Variants in DOCK4 observed in about 807,000 individuals in gnomAD.
DOCK4 encodes the protein dedicator of cytokinesis protein 4.
In DOCK4, 97 loss-of-function variants were observed where a neutral mutation model predicts 268.1. The ratio of observed to expected loss-of-function variants is 0.36; its 90% confidence interval spans 0.31 to 0.43. DOCK4 has a LOEUF of 0.43. Among genes scored for constraint, DOCK4 ranks in the 20% least tolerant of loss-of-function variants. The probability of loss-of-function intolerance (pLI) is 1.00; values close to 1 mark genes in which losing one functional copy is unlikely to be tolerated. For synonymous variants in DOCK4, 954 were observed against 887.2 expected (o/e 1.08, Z -1.34); for missense variants, 2,145 against 2,455.7 (o/e 0.87, Z 2.67).
intron 1 of DOCK4, among the ~76,000 whole-genome samples, chr7:112,114,535 T>C (rs902654493): frequency 6.6e-6 from 1 of 152,224 alleles, no homozygotes; most frequent in Non-Finnish European, 1.5e-5. Context: ...TGATATTCCA[T>C]GAAAAAACTG....
chr7:111,770,689 C>A (rs111339651), intron 36 of DOCK4, among the ~76,000 whole-genome samples: 3 of 152,284 alleles, frequency 2.0e-5, no homozygotes, highest in African/African-American at 7.2e-5. Context: ...CTCAATTACT[C>A]AATTGAATAA....
chr7:111,783,010 GAAAGAAAGAA>G, intron 34 of DOCK4, 86 bp from the exon 35 acceptor site: 1 of 526,396 alleles, frequency 1.9e-6, no homozygotes, highest in African/African-American at 2.7e-5. Context: ...AAAAAAGAAA[GAAAGAAAGAA>G]AAAAAAAAAA....
At chr7:111,973,653 A>G (rs1486628363) in intron 8 of DOCK4, among the ~76,000 whole-genome samples, 1 of 150,790 alleles carries the variant, frequency 6.6e-6, no homozygotes, top group African/African-American at 2.5e-5. Context: ...TTAATTTTTT[A>G]GATGATAATT....
chr7:112,099,689 T>C (rs1336001869), intron 1 of DOCK4, among the ~76,000 whole-genome samples: 1 of 152,184 alleles, frequency 6.6e-6, no homozygotes, highest in Non-Finnish European at 1.5e-5. Flanking sequence ...AAAAGCCAAG[T>C]ATGAAGTTGG....
intron 31 of DOCK4, 47 bp downstream of exon 31, chr7:111,790,410 G>C: frequency 1.3e-6 from 2 of 1,598,602 alleles, no homozygotes; most frequent in Non-Finnish European, 1.7e-6. Flanking sequence ...AGATGCTTCA[G>C]GAGAGCTGAA....
At chr7:111,976,269 TTATATATATA>T (rs60146972) in intron 8 of DOCK4, among the ~76,000 whole-genome samples, 1,926 of 32,996 alleles carry the variant, frequency 0.058, 85 homozygotes, top group Admixed American at 0.092. Context: ...TGTGTGTCTA[TTATATATATA>T]TATATATATA....
At chr7:111,801,548 AC>A (rs1372466484) in intron 30 of DOCK4, 1 of 152,224 alleles carries the variant, frequency 6.6e-6, no homozygotes, top group East Asian at 1.9e-4. Context: ...TGAGGAAGAA[AC>A]ATGGCTCATA....
Position 112,076,007 on chromosome 7 carries a change from C to T in DOCK4, c.38-71876G>A, listed in dbSNP as rs117883397. On this transcript the variant is annotated intron_variant, in intron 1 of 52. Transcript: ENST00000428084. ...AAAATTAGTTTGTCAAAAAGAAGTG[C>T]TACATTTGACACTTTTTCTATATTC... 4.7e-3 allele frequency among the ~76,000 whole-genome samples: 715 copies of T among 152,164 alleles called. 5 individuals carry two copies. Among genetic ancestry groups the T allele is most frequent in the Middle Eastern group, 6.8e-3 (2 of 294 alleles).
intron 1 of DOCK4, among the ~76,000 whole-genome samples, chr7:112,116,303 T>G (rs969367471): frequency 3.3e-5 from 5 of 152,238 alleles, no homozygotes; most frequent in Non-Finnish European, 5.9e-5. Flanking sequence ...ATTGGCATAA[T>G]GTTTTCAACG....
chr7:112,164,869 C>A (rs1817452749), intron 1 of DOCK4, among the ~76,000 whole-genome samples: 1 of 152,182 alleles, frequency 6.6e-6, no homozygotes, highest in African/African-American at 2.4e-5. Flanking sequence ...CTACAGAGTA[C>A]TGGGAAAATG....
intron 4 of DOCK4, among the ~76,000 whole-genome samples, chr7:111,994,508 C>G (rs1799775242): frequency 6.6e-6 from 1 of 152,166 alleles, no homozygotes; most frequent in Non-Finnish European, 1.5e-5. Context: ...CAGTTCACGA[C>G]TAGGCAGCAA....
intron 8 of DOCK4, among the ~76,000 whole-genome samples, chr7:111,949,486 G>A (rs149623521): frequency 7.0e-4 from 107 of 152,178 alleles, no homozygotes; most frequent in Non-Finnish European, 1.3e-3. Flanking sequence ...ATCATATCCT[G>A]TTTCAGAAAG....
chr7:112,165,859 C>A lies in DOCK4; in HGVS notation c.37+40243G>T, dbSNP rs112004326. 2.9e-3 allele frequency among the ~76,000 whole-genome samples: 441 copies of A among 152,224 alleles called. 1 individual carries two copies. Among genetic ancestry groups the A allele is most frequent in the African/African-American group, 0.01 (420 of 41,542 alleles). ...TCAAAGAACCCTACTGCTTAAACATCCTCGTCACGTTTCCCATCCTATGCC... is the reference window on the plus strand; with the variant it reads ...TCAAAGAACCCTACTGCTTAAACATACTCGTCACGTTTCCCATCCTATGCC... On this transcript the variant is annotated intron_variant, in intron 1 of 52. Coordinates refer to ENST00000428084, the MANE Select transcript of DOCK4 (RefSeq NM_001363540.2).
intron 1 of DOCK4, among the ~76,000 whole-genome samples, chr7:112,134,055 A>T (rs1333363342): frequency 6.6e-6 from 1 of 152,228 alleles, no homozygotes; most frequent in African/African-American, 2.4e-5. Context: ...AATGATGTCA[A>T]TTTGACATTT....
intron 11 of DOCK4, among the ~76,000 whole-genome samples, chr7:111,936,617 C>T (rs566932940): frequency 1.6e-4 from 25 of 152,074 alleles, no homozygotes; most frequent in Non-Finnish European, 3.4e-4. Context: ...CCACTACTCT[C>T]CCAGATTGGC....
intron 1 of DOCK4, among the ~76,000 whole-genome samples, chr7:112,205,849 G>A (rs1441795880): frequency 6.6e-6 from 1 of 151,990 alleles, no homozygotes; most frequent in Non-Finnish European, 1.5e-5. Context: ...CTAGCGGGCC[G>A]GCCGCGCGCT....
At chr7:112,152,245 A>G (rs1816163106) in intron 1 of DOCK4, among the ~76,000 whole-genome samples, 1 of 152,244 alleles carries the variant, frequency 6.6e-6, no homozygotes, top group Non-Finnish European at 1.5e-5. Flanking sequence ...AGAGAGTATT[A>G]GCATTCAACT....
chr7:111,822,309 C>T (rs955808774), intron 27 of DOCK4, 53 bp downstream of exon 27: 11 of 1,444,934 alleles, frequency 7.6e-6, no homozygotes, highest in East Asian at 2.3e-5. Context: ...ATTTTGTACT[C>T]CCTTCTTCCT....
intron 1 of DOCK4, among the ~76,000 whole-genome samples, chr7:112,121,213 A>G (rs1812695308): frequency 2.0e-5 from 3 of 152,158 alleles, no homozygotes; most frequent in Admixed American, 2.0e-4. Context: ...CCTGACTCCA[A>G]ATCTCATGCC....
Sources: gnomAD v4.1 joint callset for allele counts (sites outside exome capture counted in the v4.1 genomes callset) on GRCh38, gnomAD v4.1.1 for gene constraint, MANE v1.5 for transcripts, NCBI Gene and HGNC (gene_info 2026-07-23, HGNC 2026-07-21) for gene names.